The following IQGAP2 variants were observed in gnomAD, a reference collection of about 807,000 sequenced individuals.
IQGAP2 encodes the protein ras GTPase-activating-like protein IQGAP2.
In IQGAP2, 173 loss-of-function variants were observed where a neutral mutation model predicts 201.3. That is an observed-to-expected ratio of 0.86 (90% confidence interval 0.76 to 0.98). The LOEUF (loss-of-function observed/expected upper bound fraction) is 0.98, where lower values mean the gene tolerates loss of function less well. Among genes scored for constraint, IQGAP2 ranks in the 50% least tolerant of loss-of-function variants. IQGAP2 has a pLI of 0.00. For missense variants in IQGAP2, 1,687 were observed against 1,864.8 expected, an observed-to-expected ratio of 0.90 and a Z score of 1.76; for synonymous variants, 675 against 673.9, an observed-to-expected ratio of 1.00 and a Z score of -0.03.
intron 1 of IQGAP2, 67 bp from the exon 2 acceptor site, chr5:76,461,503 T>TTGATTGTCTCAGGTGTTTAATGAAGAA: frequency 9.4e-7 from 1 of 1,065,038 alleles, no homozygotes; most frequent in East Asian, 2.4e-5. Context: ...TTTTTTCTGA[T>TTGATTGTCTCAGGTGTTTAATGAAGAA]TGATTGTCTC....
rs573484993 is a variant in IQGAP2, at chr5:76,516,023, G to A, written c.147-46373G>A. 4.1e-4 allele frequency among the ~76,000 whole-genome samples: 63 copies of A among 151,900 alleles called. No individual in the cohort carries two copies. In the Middle Eastern group the frequency reaches 0.014, roughly 33 times the overall value. Reference sequence around the variant, plus strand: ...CTCTTGAGTAGCTGGGACTATGCGTGTGCCACCATGCCTGGATAATGTTTG... The same window carrying A: ...CTCTTGAGTAGCTGGGACTATGCGTATGCCACCATGCCTGGATAATGTTTG... On this transcript the variant is annotated intron_variant, in intron 2 of 35. Coordinates refer to ENST00000274364, the MANE Select transcript of IQGAP2 (RefSeq NM_006633.5).
chr5:76,654,168 G>T (rs769113636), intron 18 of IQGAP2, 32 bp from the exon 19 acceptor site: 1 of 1,464,090 alleles, frequency 6.8e-7, no homozygotes, highest in Admixed American at 1.8e-5. Flanking sequence ...TTTATTTTTT[G>T]TTGTACTTTT....
At chr5:76,465,042 AAAGAG>A (rs1240887210) in intron 2 of IQGAP2, among the ~76,000 whole-genome samples, 1 of 152,208 alleles carries the variant, frequency 6.6e-6, no homozygotes. Flanking sequence ...AAAAATACGA[AAAGAG>A]AAAACATTTT....
At chr5:76,469,421 A>G (rs1754984078) in intron 2 of IQGAP2, among the ~76,000 whole-genome samples, 1 of 150,552 alleles carries the variant, frequency 6.6e-6, no homozygotes, top group Non-Finnish European at 1.5e-5. Context: ...TTTGAGACGT[A>G]GTGTCACTCT....
chr5:76,527,801 T>A (rs1759056922), intron 2 of IQGAP2, among the ~76,000 whole-genome samples: 1 of 152,250 alleles, frequency 6.6e-6, no homozygotes, highest in Non-Finnish European at 1.5e-5. Flanking sequence ...ATGTCTTGGC[T>A]GTTTGCAGTT....
intron 1 of IQGAP2, among the ~76,000 whole-genome samples, chr5:76,441,948 A>C (rs552773737): frequency 5.9e-5 from 9 of 152,186 alleles, no homozygotes; most frequent in Non-Finnish European, 1.2e-4. Flanking sequence ...AAGCAGGAAG[A>C]GCTGTTCTAC....
chr5:76,644,805 C>G (rs922199267), intron 17 of IQGAP2, among the ~76,000 whole-genome samples: 5 of 152,042 alleles, frequency 3.3e-5, no homozygotes, highest in African/African-American at 9.7e-5. Flanking sequence ...AGAATTTTGG[C>G]AAATGAAAGA....
chr5:76,438,035 G>GTTTTTTTTTTTTTTTTT (rs71604291), intron 1 of IQGAP2, among the ~76,000 whole-genome samples: 10 of 68,594 alleles, frequency 1.5e-4, no homozygotes, highest in South Asian at 3.8e-4. Context: ...TTTTTTGTTT[G>GTTTTTTTTTTTTTTTTT]TTTTTTTTTT....
chr5:76,568,199 G>T (rs1165375432), intron 3 of IQGAP2, among the ~76,000 whole-genome samples: 1 of 152,162 alleles, frequency 6.6e-6, no homozygotes, highest in Non-Finnish European at 1.5e-5. Context: ...TAGTTTAAAA[G>T]GATGAAGGAT....
rs1748016885 is a variant in IQGAP2, at chr5:76,707,565, C to T, written c.*252C>T. The stretch of plus-strand genomic sequence containing the variant: ...GTGATATAGGTACTCTGATTTAAAA[C>T]TTTGGACATCCTGTGATCTGTTTTA... On this transcript the variant is annotated 3_prime_UTR_variant, in exon 36 of 36. Coordinates refer to ENST00000274364, the MANE Select transcript of IQGAP2 (RefSeq NM_006633.5). The T allele has an allele frequency of 3.0e-6, 1 of 336,150 alleles. No individual in the cohort carries two copies. The highest frequency in any genetic ancestry group is 2.2e-5 in the African/African-American group (1 of 46,414). 20.8% of individuals were successfully genotyped at this position (336,150 alleles called of 1,614,324 possible).
chr5:76,669,944 T>C (rs1301540078), intron 23 of IQGAP2, among the ~76,000 whole-genome samples: 1 of 152,152 alleles, frequency 6.6e-6, no homozygotes, highest in Non-Finnish European at 1.5e-5. Context: ...TGCCTCAGCC[T>C]CCTGAGTAGC....
intron 2 of IQGAP2, among the ~76,000 whole-genome samples, chr5:76,543,825 G>A (rs1349240994): frequency 6.6e-6 from 1 of 151,820 alleles, no homozygotes; most frequent in Non-Finnish European, 1.5e-5. Context: ...TTTGTTTTTT[G>A]TTTTTGTTTT....
intron 1 of IQGAP2, among the ~76,000 whole-genome samples, chr5:76,406,311 TTAAA>T (rs1288353117): frequency 1.3e-5 from 2 of 152,224 alleles, no homozygotes; most frequent in Admixed American, 1.3e-4. Flanking sequence ...TGGATTGAAA[TTAAA>T]TAGACTATTT....
chr5:76,600,694 G>T, intron 10 of IQGAP2, 118 bp from the exon 11 acceptor site: 4 of 1,222,642 alleles, frequency 3.3e-6, no homozygotes, highest in Non-Finnish European at 3.5e-6. Context: ...TCCTCTTTCT[G>T]CTGAGCTATC....
chr5:76,707,959 G>A lies in IQGAP2; in HGVS notation c.*646G>A, dbSNP rs1324143802. On this transcript the variant is annotated 3_prime_UTR_variant, in exon 36 of 36. Transcript: ENST00000274364. ...GCACGCAGAGCCTTTAAGTGACTAAGGAACAACATAGATAGTGAGCATAGT... is the reference window on the plus strand; with the variant it reads ...GCACGCAGAGCCTTTAAGTGACTAAAGAACAACATAGATAGTGAGCATAGT... 1.3e-5 allele frequency: 2 copies of A among 152,562 alleles called. No homozygotes were observed. Among genetic ancestry groups the A allele is most frequent in the African/African-American group, 4.8e-5 (2 of 41,416 alleles). The allele number at this position is 152,562 out of a possible 1,614,324, so 9.5% of individuals were successfully genotyped here.
At chr5:76,644,295 CTT>C (rs547155944) in intron 17 of IQGAP2, among the ~76,000 whole-genome samples, 1,451 of 47,628 alleles carry the variant, frequency 0.03, 37 homozygotes, top group African/African-American at 0.081. Context: ...TTTGTAAATC[CTT>C]TTTTTTTTTT....
At chr5:76,475,104 C>A (rs751337370) in intron 2 of IQGAP2, among the ~76,000 whole-genome samples, 10 of 152,066 alleles carry the variant, frequency 6.6e-5, no homozygotes, top group Non-Finnish European at 1.3e-4. Context: ...CAGCTCTCAG[C>A]CTTCCCACCC....
chr5:76,523,097 T>C (rs79833178), intron 2 of IQGAP2, among the ~76,000 whole-genome samples: 1 of 146,848 alleles, frequency 6.8e-6, no homozygotes, highest in Admixed American at 6.8e-5. Context: ...TTTTTTTTTT[T>C]TCTGTGAGGC....
At chr5:76,610,432 A>G (rs1261083955) in intron 12 of IQGAP2, among the ~76,000 whole-genome samples, 1 of 151,684 alleles carries the variant, frequency 6.6e-6, no homozygotes, top group Non-Finnish European at 1.5e-5. Context: ...GACAATAACA[A>G]GTGTTGGTCA....
Sources: allele counts gnomAD v4.1 joint callset (sites outside exome capture counted in the v4.1 genomes callset), GRCh38; gene constraint gnomAD v4.1.1; transcripts MANE v1.5; gene names NCBI Gene and HGNC (gene_info 2026-07-23, HGNC 2026-07-21).